The following TDRD3 variants were observed in gnomAD, a reference collection of about 807,000 sequenced individuals.
TDRD3 encodes tudor domain containing 3, also known as tudor domain-containing protein 3.
In TDRD3, 45 loss-of-function variants were observed where a neutral mutation model predicts 86.7. The ratio of observed to expected loss-of-function variants is 0.52; its 90% CI spans 0.41 to 0.67. TDRD3 has a LOEUF of 0.67. Ranked by LOEUF, TDRD3 falls within the 30% of genes least tolerant of loss-of-function variation. The pLI, the probability that TDRD3 is intolerant of heterozygous loss-of-function variation, is 0.00. For missense variants in TDRD3, 814 were observed against 889.0 expected, an observed-to-expected ratio of 0.92 and a Z score of 1.07; for synonymous variants, 298 against 301.7, an observed-to-expected ratio of 0.99 and a Z score of 0.13.
rs189381249 is a variant in TDRD3 at position 60,428,518 on chromosome 13, G to C, written c.42-11170G>C. Among the ~76,000 whole-genome samples, 160 of 152,204 alleles carry C rather than the reference G, an allele frequency of 1.1e-3. No homozygotes were observed. The East Asian group carries it at 0.029, about 28-fold the overall frequency. On this transcript the variant is annotated intron_variant, in intron 1 of 13. Coordinates refer to ENST00000377881, the MANE Select transcript of TDRD3 (RefSeq NM_001146070.2). ...AGAGGCATGCAAAATTAATTTTATC[G>C]TGCATAGCACAAGGGAATTACAAGA...
chr13:60,524,472 A>G (rs1957363079), intron 10 of TDRD3, among the ~76,000 whole-genome samples: 1 of 151,412 alleles, frequency 6.6e-6, no homozygotes, highest in South Asian at 2.1e-4. Context: ...GCACCACTGT[A>G]CTCCAGCCTG....
intron 12 of TDRD3, among the ~76,000 whole-genome samples, chr13:60,549,762 C>G (rs1445240456): frequency 2.0e-5 from 3 of 151,950 alleles, no homozygotes; most frequent in Non-Finnish European, 2.9e-5. Context: ...ACTTATCTGT[C>G]TATTATTGAC....
At chr13:60,487,302 C>A (rs1256121444) in intron 7 of TDRD3, among the ~76,000 whole-genome samples, 1 of 152,032 alleles carries the variant, frequency 6.6e-6, no homozygotes, top group Non-Finnish European at 1.5e-5. Flanking sequence ...CCTAGCAAAA[C>A]CCTGTCTCCA....
Position 60,397,271 on chromosome 13 carries a change from T to TG in TDRD3, c.-94_-93insG. Reference sequence around the variant, plus strand: ...ACCAGAGGAGTTTTTTCTTTTCTTTTCTTTTTTTTTTTTTAAGGGGGGGGG... The same window carrying TG: ...ACCAGAGGAGTTTTTTCTTTTCTTTTGCTTTTTTTTTTTTTAAGGGGGGGGG... On this transcript the variant is annotated 5_prime_UTR_variant, in exon 1 of 14. The change creates a premature stop within an existing upstream ORF in the 5' untranslated region. Transcript: ENST00000377881. 11 of 714,556 alleles carry TG rather than the reference T, an allele frequency of 1.5e-5. No individual in the cohort carries two copies. Among genetic ancestry groups the TG allele is most frequent in the South Asian group, 5.3e-5 (2 of 37,456 alleles). 44.3% of individuals were successfully genotyped at this position (714,556 alleles called of 1,614,324 possible).
At chr13:60,569,530 T>C (rs1166582376) in intron 13 of TDRD3, among the ~76,000 whole-genome samples, 3 of 152,190 alleles carry the variant, frequency 2.0e-5, no homozygotes, top group African/African-American at 7.2e-5. Flanking sequence ...ATGAAATCTC[T>C]ATTAAAATAC....
chr13:60,565,876 A>G (rs929823173), intron 12 of TDRD3, among the ~76,000 whole-genome samples: 1 of 152,186 alleles, frequency 6.6e-6, no homozygotes, highest in African/African-American at 2.4e-5. Context: ...GAATACTTTT[A>G]TGATTTTCTT....
chr13:60,448,167 G>C (rs1437530118), intron 3 of TDRD3, among the ~76,000 whole-genome samples: 3 of 152,132 alleles, frequency 2.0e-5, no homozygotes, highest in Admixed American at 6.6e-5. Flanking sequence ...GAACTTGAGA[G>C]TGGGAAGGGA....
At position 60,460,395 on chromosome 13, in the gene TDRD3, G is replaced by A; in HGVS notation, c.208G>A (p.Val70Ile). The part of the protein sequence containing the change: ...GKVEKLEGPC[V>I]LQIQKIRNVA... ...GTTTTGACAGCTCGAAGGTCCATGT[G>A]TTTTGCAAATTCAAAAAATTCGCAA... is the stretch of plus-strand genomic sequence containing the variant. The change falls in exon 4 of 14, where the codon GTT (valine) becomes ATT (isoleucine). Residue 70 changes from valine to isoleucine, a missense_variant. Physicochemically the swap from Val to Ile is conservative, Grantham distance 29. Transcript: ENST00000377881. 6.2e-7 allele frequency: 1 copy of A among 1,602,466 alleles called. No homozygotes were observed. The highest frequency in any genetic ancestry group is 8.5e-7 in the Non-Finnish European group (1 of 1,177,054).
intron 3 of TDRD3, among the ~76,000 whole-genome samples, chr13:60,449,784 TA>T (rs1023609023): frequency 3.3e-5 from 5 of 152,092 alleles, no homozygotes; most frequent in African/African-American, 1.2e-4. Flanking sequence ...TAGAAAGTTT[TA>T]ATTTTATTAT....
chr13:60,428,657 A>G (rs746459457), intron 1 of TDRD3, among the ~76,000 whole-genome samples: 15 of 152,202 alleles, frequency 9.9e-5, no homozygotes, highest in East Asian at 1.9e-4. Context: ...GGGGAATTCA[A>G]TGGGCTTGGA....
chr13:60,497,475 G>A (rs886658877), intron 8 of TDRD3, among the ~76,000 whole-genome samples: 1 of 152,170 alleles, frequency 6.6e-6, no homozygotes, highest in Non-Finnish European at 1.5e-5. Context: ...GTGTTTAAAG[G>A]TGGGTGCAGT....
chr13:60,420,573 C>G (rs989742401), intron 1 of TDRD3, among the ~76,000 whole-genome samples: 2 of 151,918 alleles, frequency 1.3e-5, no homozygotes, highest in Non-Finnish European at 2.9e-5. Context: ...TATTTTTATA[C>G]AGATATTCAG....
At chr13:60,421,853 TGACTG>T (rs1233689005) in intron 1 of TDRD3, among the ~76,000 whole-genome samples, 2 of 151,908 alleles carry the variant, frequency 1.3e-5, no homozygotes, top group African/African-American at 4.8e-5. Context: ...GCAAATGAAA[TGACTG>T]GAGGGTGGTA....
chr13:60,565,169 C>T lies in TDRD3; in HGVS notation c.2119-2356C>T, dbSNP rs948771560. ...CTCCCGGGTTCACGCCATTCTCCTGCCTCAGTCTCCCGAGTAGCTGGGACT... is the reference window on the plus strand; with the variant it reads ...CTCCCGGGTTCACGCCATTCTCCTGTCTCAGTCTCCCGAGTAGCTGGGACT... On this transcript the variant is annotated intron_variant, in intron 12 of 13. Coordinates refer to ENST00000377881, the MANE Select transcript of TDRD3 (RefSeq NM_001146070.2). Among the ~76,000 whole-genome samples, 6 of 149,000 alleles carry T rather than the reference C, an allele frequency of 4.0e-5. No homozygotes were observed. In the East Asian group the frequency reaches 1.2e-3, roughly 30 times the overall value.
At position 60,410,242 on chromosome 13, in the gene TDRD3, T is replaced by C. The variant is rs530159254; in HGVS notation, c.41+12837T>C. On this transcript the variant is annotated intron_variant, in intron 1 of 13. Coordinates refer to ENST00000377881, the MANE Select transcript of TDRD3 (RefSeq NM_001146070.2). ...GTAGCATGAAAATGGTCTAGTATAT[T>C]CAGTTAGAAAGGAGTTAAGATGATG... Among the ~76,000 whole-genome samples, 34 of 152,232 alleles carry C rather than the reference T, an allele frequency of 2.2e-4. No individual in the cohort carries two copies. In the South Asian group the frequency reaches 7.1e-3, roughly 32 times the overall value.
chr13:60,427,107 A>G, intron 1 of TDRD3, among the ~76,000 whole-genome samples: 1 of 152,224 alleles, frequency 6.6e-6, no homozygotes, highest in Non-Finnish European at 1.5e-5. Flanking sequence ...TCATATATGT[A>G]TCTGTCATTG....
At chr13:60,467,421 CTT>C (rs774839253) in intron 5 of TDRD3, 42 bp downstream of exon 5, 19 of 1,597,692 alleles carry the variant, frequency 1.2e-5, no homozygotes, top group Non-Finnish European at 1.5e-5. Context: ...ACATTACACT[CTT>C]TTTTATTGCA....
intron 10 of TDRD3, among the ~76,000 whole-genome samples, chr13:60,518,659 TG>T (rs1433209209): frequency 6.6e-6 from 1 of 152,214 alleles, no homozygotes. Flanking sequence ...TGCCTAGGTA[TG>T]TGCGAGTTCT....
At chr13:60,477,197 GTTA>G (rs558977736) in intron 5 of TDRD3, among the ~76,000 whole-genome samples, 233 of 144,384 alleles carry the variant, frequency 1.6e-3, no homozygotes, top group Admixed American at 2.3e-3. Context: ...GTTATAGATG[GTTA>G]TTATTATTAT....
Sources: gnomAD v4.1 joint callset for allele counts (sites outside exome capture counted in the v4.1 genomes callset) on GRCh38, gnomAD v4.1.1 for gene constraint, MANE v1.5 for transcripts, NCBI Gene and HGNC (gene_info 2026-07-23, HGNC 2026-07-21) for gene names.